The following TENM3 variants were observed in gnomAD, a reference collection of about 807,000 sequenced individuals.
The protein encoded by TENM3 is teneurin transmembrane protein 3.
In TENM3, 63 loss-of-function variants were observed where a neutral mutation model predicts 255.1. The ratio of observed to expected loss-of-function variants is 0.25; its 90% CI spans 0.20 to 0.30. TENM3 has a LOEUF of 0.30. Ranked by LOEUF, TENM3 falls within the 10% of genes least tolerant of loss-of-function variation. The pLI is 1.00. For synonymous variants in TENM3, 1,306 were observed against 1,322.3 expected (o/e 0.99, Z 0.27); for missense variants, 2,929 against 3,461.1 (o/e 0.85, Z 3.86).
chr4:182,329,194 A>G (rs758761544), intron 2 of TENM3, among the ~76,000 whole-genome samples: 11 of 152,192 alleles, frequency 7.2e-5, no homozygotes, highest in Admixed American at 2.6e-4. Flanking sequence ...AGGATCGTGA[A>G]GGACCAAGCT....
the TENM3 span, among the ~76,000 whole-genome samples, chr4:181,896,324 G>T: frequency 1.3e-5 from 2 of 152,026 alleles, no homozygotes; most frequent in Non-Finnish European, 2.9e-5. Context: ...CTTCCATTCT[G>T]TTGCCTATGA....
At chr4:182,036,798 T>TA in the TENM3 span, among the ~76,000 whole-genome samples, 1 of 152,286 alleles carries the variant, frequency 6.6e-6, no homozygotes, top group African/African-American at 2.4e-5. Context: ...ATTTTCCTGA[T>TA]AAAAAAATTA....
chr4:181,557,450 T>C, the TENM3 span, among the ~76,000 whole-genome samples: 1 of 152,214 alleles, frequency 6.6e-6, no homozygotes, highest in Non-Finnish European at 1.5e-5. Flanking sequence ...GAAAATATTT[T>C]ATCATTTAAA....
chr4:182,704,219 T>C (rs917057903), intron 12 of TENM3, among the ~76,000 whole-genome samples: 13 of 152,228 alleles, frequency 8.5e-5, no homozygotes, highest in African/African-American at 3.1e-4. Flanking sequence ...TATGGTTCAG[T>C]GGATGAAATC....
At chr4:181,524,748 G>A in the TENM3 span, among the ~76,000 whole-genome samples, 1 of 152,128 alleles carries the variant, frequency 6.6e-6, no homozygotes. Flanking sequence ...TGTGCTTGGA[G>A]GTTGGTTTAC....
the TENM3 span, among the ~76,000 whole-genome samples, chr4:181,601,402 G>A: frequency 6.6e-6 from 1 of 152,106 alleles, no homozygotes; most frequent in South Asian, 2.1e-4. Context: ...GAAGTCCAAG[G>A]TCAAGAAGCT....
In TENM3 at chr4:182,324,062, G is replaced by C. The variant is rs1390946372; in HGVS notation, c.42G>C (p.Lys14Asn). ...GCAGGCCTTACTGCTCCCTGACCAA[G>C]AGCAGACGAGAGAAGGAACGGCGCT... ...KERRPYCSLTKSRREKERRYT... is the reference protein window; with the variant it reads ...KERRPYCSLTNSRREKERRYT... The change falls in exon 2 of 28, where the codon AAG (lysine) becomes AAC (asparagine). Residue 14 changes from lysine (K) to asparagine (N), a missense_variant. Lys to Asn is a moderately conservative substitution (Grantham distance 94). Transcript: ENST00000511685. 13 of 1,613,870 alleles carry C rather than the reference G, an allele frequency of 8.1e-6. No homozygotes were observed. The highest frequency in any genetic ancestry group is 1.3e-5 in the African/African-American group (1 of 74,940).
chr4:181,987,069 C>A, the TENM3 span, among the ~76,000 whole-genome samples: 1 of 152,048 alleles, frequency 6.6e-6, no homozygotes, highest in Non-Finnish European at 1.5e-5. Flanking sequence ...ACCAACCCGT[C>A]CCAAAACAAA....
chr4:182,380,945 A>G (rs1339914377), intron 3 of TENM3, among the ~76,000 whole-genome samples: 1 of 152,180 alleles, frequency 6.6e-6, no homozygotes, highest in African/African-American at 2.4e-5. Context: ...GCACCAGCGC[A>G]TGGAGAAAGC....
chr4:181,546,486 C>T, the TENM3 span, among the ~76,000 whole-genome samples: 75,685 of 150,842 alleles, frequency 0.5, 20,617 homozygotes, highest in African/African-American at 0.68. Flanking sequence ...GAGGCCGAGG[C>T]GGCTGGATCA....
Position 182,743,151 on chromosome 4 carries a change from T to G in TENM3, c.3380-19T>G. 1.9e-6 allele frequency: 3 copies of G among 1,573,808 alleles called. No homozygotes were observed. Among genetic ancestry groups the G allele is most frequent in the Non-Finnish European group, 2.6e-6 (3 of 1,154,212 alleles). On this transcript the variant is annotated intron_variant, in intron 18 of 27. Coordinates refer to ENST00000511685, the MANE Select transcript of TENM3 (RefSeq NM_001080477.4). Reference sequence around the variant, plus strand: ...CACTTTTTCATCATAAGAAAAACAATGCACTTTATTTCTTCTAGGTATACT... The same window carrying G: ...CACTTTTTCATCATAAGAAAAACAAGGCACTTTATTTCTTCTAGGTATACT...
chr4:182,691,599 C>T (rs1027363920), intron 12 of TENM3, among the ~76,000 whole-genome samples: 1 of 152,174 alleles, frequency 6.6e-6, no homozygotes. Flanking sequence ...ATTTTCCTCT[C>T]ATTATGAATC....
chr4:181,871,605 C>T, the TENM3 span, among the ~76,000 whole-genome samples: 3,507 of 152,020 alleles, frequency 0.023, 45 homozygotes, highest in South Asian at 0.027. Context: ...TGAATAGAAG[C>T]GGTGAGAACA....
At chr4:181,711,832 G>C in the TENM3 span, among the ~76,000 whole-genome samples, 2 of 152,150 alleles carry the variant, frequency 1.3e-5, no homozygotes, top group Non-Finnish European at 2.9e-5. Flanking sequence ...GCCTTTGTTT[G>C]ACCAGCTGTG....
At chr4:182,458,146 G>A (rs1044048694) in intron 3 of TENM3, among the ~76,000 whole-genome samples, 1 of 152,026 alleles carries the variant, frequency 6.6e-6, no homozygotes, top group African/African-American at 2.4e-5. Flanking sequence ...TTTAAATGAG[G>A]TGTGATCATC....
chr4:182,799,513 GC>G lies in TENM3; in HGVS notation c.7345-78del. The G allele has an allele frequency of 4.0e-6, 6 of 1,484,214 alleles. No individual in the cohort carries two copies. Among genetic ancestry groups the G allele is most frequent in the Admixed American group, 2.7e-5 (1 of 37,524 alleles). The allele number at this position is 1,484,214 out of a possible 1,614,324, so 91.9% of individuals were successfully genotyped here. On this transcript the variant is annotated intron_variant, in intron 27 of 27. Transcript: ENST00000511685. This position sits in a 1 kb window ranked among gnomAD's most constrained non-coding sequence, Gnocchi z 4.2. ...GGGCTTCCATGCATGCCCCGGCGCTGCCCCCAGAGTCCCGTGTGTGGGTCAG... is the reference window on the plus strand; with the variant it reads ...GGGCTTCCATGCATGCCCCGGCGCTGCCCCAGAGTCCCGTGTGTGGGTCAG...
At chr4:181,549,349 A>G in the TENM3 span, among the ~76,000 whole-genome samples, 1 of 152,158 alleles carries the variant, frequency 6.6e-6, no homozygotes, top group Non-Finnish European at 1.5e-5. Flanking sequence ...AATGACATGA[A>G]CATGCAATCA....
the TENM3 span, among the ~76,000 whole-genome samples, chr4:181,963,781 G>A: frequency 6.6e-6 from 1 of 152,154 alleles, no homozygotes; most frequent in Non-Finnish European, 1.5e-5. Flanking sequence ...ATGGGTGCTT[G>A]TTATATAAGT....
intron 3 of TENM3, among the ~76,000 whole-genome samples, chr4:182,552,553 C>T (rs941879106): frequency 2.0e-5 from 3 of 152,000 alleles, no homozygotes; most frequent in Non-Finnish European, 4.4e-5. Flanking sequence ...CTGAGAGCTA[C>T]CAAGCTAATT....
Sources: gnomAD v4.1 joint callset for allele counts (sites outside exome capture counted in the v4.1 genomes callset) on GRCh38, gnomAD v4.1.1 for gene constraint, Gnocchi (gnomAD v3.1) non-coding constraint, MANE v1.5 for transcripts, NCBI Gene and HGNC (gene_info 2026-07-23, HGNC 2026-07-21) for gene names.